Variants in FOXP1 observed in about 807,000 individuals in gnomAD.
The protein encoded by FOXP1 is forkhead box P1.
FOXP1 carries 15 observed loss-of-function variants against 98.2 expected under a neutral mutation model. The ratio of observed to expected loss-of-function variants is 0.15; its 90% CI spans 0.10 to 0.24. FOXP1 has a LOEUF of 0.24. FOXP1 is among the 10% of genes least tolerant of loss of function. The pLI, the probability that FOXP1 is intolerant of heterozygous loss-of-function variation, is 1.00. For synonymous variants in FOXP1, 371 were observed against 314.5 expected (o/e 1.18, Z -1.90); for missense variants, 633 against 848.5 (o/e 0.75, Z 3.15).
At chr3:71,254,774 T>C (rs1405879511) in intron 5 of FOXP1, among the ~76,000 whole-genome samples, 4 of 152,248 alleles carry the variant, frequency 2.6e-5, no homozygotes. Flanking sequence ...TGTCTTTCAC[T>C]GTAGCTGATC....
intron 4 of FOXP1, among the ~76,000 whole-genome samples, chr3:71,340,935 T>C (rs940054640): frequency 1.3e-5 from 2 of 152,002 alleles, no homozygotes; most frequent in African/African-American, 4.8e-5. Flanking sequence ...TTTGAGAAAA[T>C]CTTCACCTAA....
At chr3:70,970,484 T>C (rs1023518235) in intron 19 of FOXP1, 3 of 497,558 alleles carry the variant, frequency 6.0e-6, no homozygotes, top group Non-Finnish European at 3.6e-6. Flanking sequence ...ATGGAAATTA[T>C]GATACTGCTG....
intron 3 of FOXP1, among the ~76,000 whole-genome samples, chr3:71,483,665 C>T (rs1238428221): frequency 6.6e-6 from 1 of 152,078 alleles, no homozygotes; most frequent in Non-Finnish European, 1.5e-5. Context: ...TTAGAGGGGA[C>T]AAAGGTAAAT....
At chr3:71,012,221 C>T (rs2043757983) in intron 12 of FOXP1, among the ~76,000 whole-genome samples, 1 of 152,108 alleles carries the variant, frequency 6.6e-6, no homozygotes, top group Non-Finnish European at 1.5e-5. Flanking sequence ...AAATCGGTAC[C>T]AAGGTATTTA....
chr3:71,496,378 T>C (rs1429223175), intron 2 of FOXP1, among the ~76,000 whole-genome samples: 3 of 152,176 alleles, frequency 2.0e-5, no homozygotes, highest in Admixed American at 6.5e-5. Flanking sequence ...CAGAATATCA[T>C]ACTCGAAGGC....
chr3:71,018,388 T>A (rs944545080), intron 11 of FOXP1, among the ~76,000 whole-genome samples: 1 of 152,174 alleles, frequency 6.6e-6, no homozygotes, highest in Non-Finnish European at 1.5e-5. Flanking sequence ...TGTGAATTTG[T>A]CTCTTAGTTA....
intron 3 of FOXP1, among the ~76,000 whole-genome samples, chr3:71,396,962 A>ATATATG (rs1560424349): frequency 4.0e-5 from 1 of 24,746 alleles, no homozygotes; most frequent in Non-Finnish European, 1.1e-4. Context: ...ATATATATAT[A>ATATATG]TGTGTGTATA....
intron 1 of FOXP1, chr3:71,582,699 C>T (rs2048282410): frequency 1.0e-6 from 1 of 985,346 alleles, no homozygotes; most frequent in South Asian, 4.7e-5. Flanking sequence ...CCGCACCCAC[C>T]CGTGGATCTG....
At chr3:71,331,059 G>A (rs1350885630) in intron 4 of FOXP1, among the ~76,000 whole-genome samples, 2 of 152,330 alleles carry the variant, frequency 1.3e-5, no homozygotes, top group African/African-American at 4.8e-5. Context: ...TCAGCCCGCC[G>A]CTGCACTGTG....
At chr3:71,452,898 G>T (rs2087100103) in intron 3 of FOXP1, among the ~76,000 whole-genome samples, 1 of 152,118 alleles carries the variant, frequency 6.6e-6, no homozygotes, top group African/African-American at 2.4e-5. Context: ...ACTTACAAGA[G>T]TGCTTTCTGG....
chr3:71,056,836 T>C (rs920278636), intron 7 of FOXP1, among the ~76,000 whole-genome samples: 8 of 151,730 alleles, frequency 5.3e-5, no homozygotes, highest in African/African-American at 1.7e-4. Context: ...AAAAAAAATC[T>C]GAGCAGTTTT....
chr3:71,003,278 G>T (rs1302699001), intron 12 of FOXP1, among the ~76,000 whole-genome samples: 1 of 152,224 alleles, frequency 6.6e-6, no homozygotes, highest in Non-Finnish European at 1.5e-5. Context: ...GTGAGAGCCT[G>T]GTTCTGTGTC....
intron 5 of FOXP1, among the ~76,000 whole-genome samples, chr3:71,253,712 T>A (rs1305981372): frequency 6.6e-6 from 1 of 152,222 alleles, no homozygotes; most frequent in Non-Finnish European, 1.5e-5. Flanking sequence ...AAAATGGTAC[T>A]GGACTTGGTG....
At chr3:71,118,466 A>G (rs1204678325) in intron 6 of FOXP1, among the ~76,000 whole-genome samples, 1 of 152,254 alleles carries the variant, frequency 6.6e-6, no homozygotes, top group Non-Finnish European at 1.5e-5. Context: ...ACAAGTTTAT[A>G]TAAAATATGG....
chr3:71,357,431 A>C (rs138439359), intron 4 of FOXP1, among the ~76,000 whole-genome samples: 1 of 152,366 alleles, frequency 6.6e-6, no homozygotes, highest in African/African-American at 2.4e-5. Context: ...AGTCAACAGA[A>C]GGCATTCATT....
At chr3:71,084,205 C>T (rs1233426978) in intron 7 of FOXP1, among the ~76,000 whole-genome samples, 1 of 152,146 alleles carries the variant, frequency 6.6e-6, no homozygotes. Context: ...AGTAAAGTAT[C>T]TTCTATTCAC....
rs547292951 is a variant in FOXP1, at chr3:71,256,845, T to C, written c.-12+42975A>G. On this transcript the variant is annotated intron_variant, in intron 5 of 20. Transcript: ENST00000649528. ...GTAGACTGATGTGAGGACAGAAACA[T>C]GTTTGAGGAGTACTGATTTTAGCAG... 4.0e-4 allele frequency among the ~76,000 whole-genome samples: 61 copies of C among 152,210 alleles called. 1 individual carries two copies. The South Asian group carries it at 9.1e-3, about 23-fold the overall frequency.
At chr3:71,027,501 T>G (rs2046288088) in intron 11 of FOXP1, among the ~76,000 whole-genome samples, 1 of 152,190 alleles carries the variant, frequency 6.6e-6, no homozygotes, top group Non-Finnish European at 1.5e-5. Flanking sequence ...TTACATTTAT[T>G]TCTCTATAGC....
chr3:70,975,445 A>G (rs1018575727), intron 17 of FOXP1, among the ~76,000 whole-genome samples: 1 of 152,236 alleles, frequency 6.6e-6, no homozygotes, highest in African/African-American at 2.4e-5. Context: ...AAAGTTGATG[A>G]ATTAATTCTA....
Sources: gnomAD v4.1 joint callset for allele counts (sites outside exome capture counted in the v4.1 genomes callset) on GRCh38, gnomAD v4.1.1 for gene constraint, MANE v1.5 for transcripts, NCBI Gene and HGNC (gene_info 2026-07-23, HGNC 2026-07-21) for gene names.